Variants in FAM135B observed in about 807,000 individuals in gnomAD.
The protein encoded by FAM135B is protein FAM135B.
A neutral mutation model predicts 127.7 loss-of-function variants in FAM135B; 43 were observed. The ratio of observed to expected loss-of-function variants is 0.34; its 90% CI spans 0.26 to 0.43. The LOEUF (loss-of-function observed/expected upper bound fraction) is 0.43, where lower values mean the gene tolerates loss of function less well. Ranked by LOEUF, FAM135B falls within the 20% of genes least tolerant of loss-of-function variation. FAM135B has a pLI of 1.00. For missense variants in FAM135B, 1,558 were observed against 1,725.6 expected (o/e 0.90, Z 1.72); for synonymous variants, 670 against 665.1 (o/e 1.01, Z -0.11).
At chr8:138,305,920 T>C (rs1459941306) in intron 3 of FAM135B, among the ~76,000 whole-genome samples, 2 of 152,148 alleles carry the variant, frequency 1.3e-5, no homozygotes, top group Non-Finnish European at 2.9e-5. Context: ...CACACATGCA[T>C]GTATATGTAT....
chr8:138,262,170 C>CTTAGTTGTA (rs1432845032), intron 4 of FAM135B, among the ~76,000 whole-genome samples: 3 of 152,166 alleles, frequency 2.0e-5, no homozygotes, highest in Non-Finnish European at 2.9e-5. Context: ...TGGCTACAAC[C>CTTAGTTGTA]TCACACGACC....
intron 1 of FAM135B, among the ~76,000 whole-genome samples, chr8:138,452,124 CTTTTTTTTTTTTTT>C (rs1158033996): frequency 9.6e-6 from 1 of 104,184 alleles, no homozygotes; most frequent in Non-Finnish European, 1.9e-5. Flanking sequence ...ACCCAATCTG[CTTTTTTTTTTTTTT>C]TTTTTTTTTG....
chr8:138,140,648 TAC>T (rs1817056406), intron 17 of FAM135B, among the ~76,000 whole-genome samples: 1 of 99,720 alleles, frequency 1.0e-5, no homozygotes, highest in Admixed American at 1.1e-4. Context: ...AATTCTATGA[TAC>T]ACATATGCAC....
At chr8:138,287,227 A>T (rs921868124) in intron 3 of FAM135B, among the ~76,000 whole-genome samples, 2 of 152,198 alleles carry the variant, frequency 1.3e-5, no homozygotes, top group Non-Finnish European at 2.9e-5. Flanking sequence ...AAATTATTCA[A>T]AGAAAAAGAA....
intron 3 of FAM135B, among the ~76,000 whole-genome samples, chr8:138,298,710 T>A (rs1825651061): frequency 6.6e-6 from 1 of 152,164 alleles, no homozygotes; most frequent in Admixed American, 6.5e-5. Flanking sequence ...TGACCCCACC[T>A]CTTATTATAC....
chr8:138,384,702 C>T (rs1832078877), intron 1 of FAM135B, among the ~76,000 whole-genome samples: 1 of 151,902 alleles, frequency 6.6e-6, no homozygotes, highest in Admixed American at 6.6e-5. Flanking sequence ...AGAGATGCAG[C>T]CATGGAAGGA....
intron 2 of FAM135B, among the ~76,000 whole-genome samples, chr8:138,361,941 T>C (rs1248312037): frequency 6.6e-6 from 1 of 152,184 alleles, no homozygotes; most frequent in Non-Finnish European, 1.5e-5. Flanking sequence ...CTACCATGCA[T>C]ATGATGGCCA....
chr8:138,415,725 T>C (rs1834106566), intron 1 of FAM135B, among the ~76,000 whole-genome samples: 1 of 152,180 alleles, frequency 6.6e-6, no homozygotes, highest in Non-Finnish European at 1.5e-5. Flanking sequence ...TGTGAAGAGC[T>C]AATCAAGACA....
rs569725495 is a variant in FAM135B, at chr8:138,173,986, G to A, written c.1103+3361C>T. 1.1e-4 allele frequency among the ~76,000 whole-genome samples: 16 copies of A among 152,228 alleles called. No individual in the cohort carries two copies. In the South Asian group the frequency reaches 1.7e-3, roughly 16 times the overall value. ...TAACACTTTTTAAAAATTGTGACCC[G>A]TGGCGAAAGATGGTCTTCATTTCCA... On this transcript the variant is annotated intron_variant, in intron 11 of 19. Coordinates refer to ENST00000395297, the MANE Select transcript of FAM135B (RefSeq NM_015912.4).
intron 11 of FAM135B, among the ~76,000 whole-genome samples, chr8:138,176,648 G>A (rs188332954): frequency 8.9e-4 from 135 of 152,340 alleles, no homozygotes; most frequent in Non-Finnish European, 1.5e-3. Flanking sequence ...TCCATCTTGA[G>A]TGATGGATGG....
chr8:138,301,810 C>T (rs1475744343), intron 3 of FAM135B, among the ~76,000 whole-genome samples: 1 of 152,196 alleles, frequency 6.6e-6, no homozygotes, highest in East Asian at 1.9e-4. Context: ...TTTTATAACG[C>T]CCTTTTCATT....
chr8:138,171,577 A>G (rs1482492579), intron 11 of FAM135B, among the ~76,000 whole-genome samples: 1 of 152,224 alleles, frequency 6.6e-6, no homozygotes, highest in African/African-American at 2.4e-5. Flanking sequence ...TTTGACTAAA[A>G]CATACTTGTT....
chr8:138,404,610 A>G (rs1041751082), intron 1 of FAM135B, among the ~76,000 whole-genome samples: 1 of 152,168 alleles, frequency 6.6e-6, no homozygotes, highest in African/African-American at 2.4e-5. Context: ...TGCCTTATCA[A>G]CTAAGATTAT....
In FAM135B at chr8:138,242,645, C is replaced by G. The variant is rs1406641141; in HGVS notation, c.669+297G>C. 2.0e-5 allele frequency among the ~76,000 whole-genome samples: 3 copies of G among 152,108 alleles called. No homozygotes were observed. Among genetic ancestry groups the G allele is most frequent in the Non-Finnish European group, 2.9e-5 (2 of 68,022 alleles). On this transcript the variant is annotated intron_variant, in intron 7 of 19. Coordinates refer to ENST00000395297, the MANE Select transcript of FAM135B (RefSeq NM_015912.4). The surrounding 1 kb of genome is among the most constrained non-coding windows in gnomAD (Gnocchi z 9.6). ...CAACGTTATCACATAGTCTGAGTGG[C>G]CCCCTCACAGCACAGCCTCCTGACC... is the stretch of plus-strand genomic sequence containing the variant.
In FAM135B at chr8:138,377,285, T is replaced by C. The variant is rs80188866; in HGVS notation, c.-19-9283A>G. ...TATTACAGAATTGCACTATAGGAGA[T>C]GGGAAAGGCTCAGGAAGAGACCTCT... On this transcript the variant is annotated intron_variant, in intron 1 of 19. Coordinates refer to ENST00000395297, the MANE Select transcript of FAM135B (RefSeq NM_015912.4). Among the ~76,000 whole-genome samples, 322 of 152,304 alleles carry C rather than the reference T, an allele frequency of 2.1e-3. 1 individual carries two copies. Among genetic ancestry groups the C allele is most frequent in the African/African-American group, 7.6e-3 (315 of 41,562 alleles).
At chr8:138,140,331 C>G (rs950896508) in intron 17 of FAM135B, among the ~76,000 whole-genome samples, 2 of 152,214 alleles carry the variant, frequency 1.3e-5, no homozygotes, top group African/African-American at 4.8e-5. Flanking sequence ...GGAAGCTTAT[C>G]AGGGGTGACC....
At chr8:138,209,764 T>C (rs912770910) in intron 7 of FAM135B, among the ~76,000 whole-genome samples, 6 of 152,162 alleles carry the variant, frequency 3.9e-5, no homozygotes, top group African/African-American at 1.2e-4. Flanking sequence ...GTAATCATGG[T>C]ATAAATTTTA....
chr8:138,229,721 A>G (rs1180342048), intron 7 of FAM135B, among the ~76,000 whole-genome samples: 1 of 152,188 alleles, frequency 6.6e-6, no homozygotes, highest in Admixed American at 6.5e-5. Context: ...AAAGAGGTTT[A>G]ATTGACTCCC....
intron 6 of FAM135B, among the ~76,000 whole-genome samples, chr8:138,244,154 G>C (rs946020770): frequency 6.6e-6 from 1 of 152,250 alleles, no homozygotes; most frequent in South Asian, 2.1e-4. Flanking sequence ...CAGGCAGTGG[G>C]TTAGGTGCTA....
Sources: gnomAD v4.1 joint callset for allele counts (sites outside exome capture counted in the v4.1 genomes callset) on GRCh38, gnomAD v4.1.1 for gene constraint, Gnocchi (gnomAD v3.1) non-coding constraint, MANE v1.5 for transcripts, NCBI Gene and HGNC (gene_info 2026-07-23, HGNC 2026-07-21) for gene names.